Variants in BMERB1 observed in about 807,000 individuals in gnomAD.
BMERB1 encodes the protein bMERB domain containing 1.
In BMERB1, 12 loss-of-function variants were observed where a neutral mutation model predicts 23.6. The ratio of observed to expected loss-of-function variants is 0.51; its 90% CI spans 0.33 to 0.82. The LOEUF (loss-of-function observed/expected upper bound fraction) is 0.82. Among genes scored for constraint, BMERB1 ranks in the 40% least tolerant of loss-of-function variants. BMERB1 has a pLI of 0.03. For synonymous variants in BMERB1, 122 were observed against 96.6 expected, an observed-to-expected ratio of 1.26 and a Z score of -1.54; for missense variants, 247 against 255.4, an observed-to-expected ratio of 0.97 and a Z score of 0.22.
chr16:15,516,502 C>T (rs891133417), intron 2 of BMERB1, among the ~76,000 whole-genome samples: 21 of 152,082 alleles, frequency 1.4e-4, no homozygotes, highest in East Asian at 9.6e-4. Context: ...GGGCTTTTGC[C>T]GACAAACAGT....
At chr16:15,538,888 A>C (rs1042433347) in intron 2 of BMERB1, among the ~76,000 whole-genome samples, 1 of 152,150 alleles carries the variant, frequency 6.6e-6, no homozygotes, top group Non-Finnish European at 1.5e-5. Flanking sequence ...CTAGACTTGG[A>C]GGCAGGAGCC....
intron 1 of BMERB1, among the ~76,000 whole-genome samples, chr16:15,493,555 C>G (rs1299806205): frequency 6.6e-6 from 1 of 152,060 alleles, no homozygotes; most frequent in Non-Finnish European, 1.5e-5. Flanking sequence ...TGTGGATTTT[C>G]AGTCCGACAT....
chr16:15,441,288 G>A (rs2050937128), intron 1 of BMERB1, among the ~76,000 whole-genome samples: 2 of 151,548 alleles, frequency 1.3e-5, no homozygotes, highest in Admixed American at 6.6e-5. Context: ...GTGAGATCTC[G>A]GATCACTGCA....
chr16:15,554,524 T>G (rs2030191847), intron 2 of BMERB1, among the ~76,000 whole-genome samples: 1 of 151,936 alleles, frequency 6.6e-6, no homozygotes, highest in Non-Finnish European at 1.5e-5. Context: ...CCAAGCTGGG[T>G]GTGGTGGTAT....
intron 1 of BMERB1, chr16:15,447,955 T>C (rs1161836066): frequency 2.2e-6 from 1 of 455,074 alleles, no homozygotes; most frequent in Non-Finnish European, 4.4e-6. Flanking sequence ...AGTGGCGTGA[T>C]CACGGCTCAC....
intron 2 of BMERB1, among the ~76,000 whole-genome samples, chr16:15,535,102 C>T (rs1443472977): frequency 6.6e-6 from 1 of 152,178 alleles, no homozygotes; most frequent in African/African-American, 2.4e-5. Flanking sequence ...GTAATCCCTG[C>T]ACTTTGAGAG....
chr16:15,551,101 G>T (rs755138411), intron 2 of BMERB1, among the ~76,000 whole-genome samples: 9 of 152,220 alleles, frequency 5.9e-5, no homozygotes, highest in Admixed American at 1.3e-4. Context: ...ATGCAAAGCA[G>T]TATCACTCGA....
chr16:15,501,670 C>T (rs1228152025), intron 1 of BMERB1, among the ~76,000 whole-genome samples: 2 of 152,200 alleles, frequency 1.3e-5, no homozygotes, highest in African/African-American at 4.8e-5. Flanking sequence ...GACGGGCTTT[C>T]GCCATGTTGG....
chr16:15,569,220 AAAAG>A (rs1043621451), intron 3 of BMERB1, among the ~76,000 whole-genome samples: 9 of 152,282 alleles, frequency 5.9e-5, no homozygotes, highest in Admixed American at 2.6e-4. Context: ...CGACTCAAAA[AAAAG>A]AAAGAGAGAA....
At chr16:15,441,988 C>G (rs925797779) in intron 1 of BMERB1, among the ~76,000 whole-genome samples, 1 of 152,040 alleles carries the variant, frequency 6.6e-6, no homozygotes, top group Non-Finnish European at 1.5e-5. Context: ...AAAGGTGTGA[C>G]AAGGGCCCCA....
At chr16:15,499,011 T>C (rs933823306) in intron 1 of BMERB1, among the ~76,000 whole-genome samples, 3 of 152,254 alleles carry the variant, frequency 2.0e-5, no homozygotes, top group African/African-American at 7.2e-5. Context: ...AGTCTTCAGA[T>C]GTTCTCAGAT....
intron 1 of BMERB1, among the ~76,000 whole-genome samples, chr16:15,475,449 GT>G (rs2051267220): frequency 1.3e-5 from 2 of 152,226 alleles, no homozygotes; most frequent in African/African-American, 4.8e-5. Context: ...TGTACTCACA[GT>G]TACAGTTTAT....
intron 1 of BMERB1, among the ~76,000 whole-genome samples, chr16:15,506,778 G>C (rs145389725): frequency 0.01 from 1,520 of 151,970 alleles, 31 homozygotes; most frequent in African/African-American, 0.035. Flanking sequence ...ATTTTAGTGG[G>C]TTGAGGAGAT....
At chr16:15,471,337 A>T (rs933027186) in intron 1 of BMERB1, among the ~76,000 whole-genome samples, 4 of 152,124 alleles carry the variant, frequency 2.6e-5, no homozygotes, top group African/African-American at 7.2e-5. Context: ...ATTTCTGGAG[A>T]TTTCTCCTGG....
chr16:15,465,702 A>G (rs1421688291), intron 1 of BMERB1, among the ~76,000 whole-genome samples: 1 of 152,202 alleles, frequency 6.6e-6, no homozygotes, highest in Non-Finnish European at 1.5e-5. Flanking sequence ...AAAACCTTAA[A>G]GATTCAGCTG....
intron 3 of BMERB1, among the ~76,000 whole-genome samples, chr16:15,569,980 A>G (rs1596400716): frequency 6.6e-6 from 1 of 152,222 alleles, no homozygotes; most frequent in African/African-American, 2.4e-5. Flanking sequence ...TGTCTCCCAA[A>G]GCTAGCATGG....
At chr16:15,478,853 C>T (rs1434597618) in intron 1 of BMERB1, among the ~76,000 whole-genome samples, 1 of 152,152 alleles carries the variant, frequency 6.6e-6, no homozygotes, top group African/African-American at 2.4e-5. Flanking sequence ...GACTCCTGAT[C>T]CCAAGTATGT....
At chr16:15,470,733 C>T (rs2051222494) in intron 1 of BMERB1, among the ~76,000 whole-genome samples, 1 of 150,612 alleles carries the variant, frequency 6.6e-6, no homozygotes, top group Non-Finnish European at 1.5e-5. Context: ...ACCATGTTGG[C>T]CAAGATGATC....
At chr16:15,484,126 T>A (rs2051347937) in intron 1 of BMERB1, among the ~76,000 whole-genome samples, 1 of 152,176 alleles carries the variant, frequency 6.6e-6, no homozygotes, top group Admixed American at 6.5e-5. Context: ...ACTCACTCAA[T>A]CCTGCAAACA....
Sources: allele counts gnomAD v4.1 joint callset (sites outside exome capture counted in the v4.1 genomes callset), GRCh38; gene constraint gnomAD v4.1.1; transcripts MANE v1.5; gene names NCBI Gene and HGNC (gene_info 2026-07-23, HGNC 2026-07-21).